OXSR1: variants seen among roughly 807,000 people sequenced by gnomAD.
The protein encoded by OXSR1 is serine/threonine-protein kinase OSR1.
OXSR1 carries 24 observed loss-of-function variants against 79.8 expected under a neutral mutation model. The observed-to-expected ratio is 0.30, with a 90% CI of 0.22 to 0.42. The LOEUF (loss-of-function observed/expected upper bound fraction) is 0.42. OXSR1 is among the 10% of genes least tolerant of loss of function. The probability of loss-of-function intolerance (pLI) is 1.00; values close to 1 mark genes in which losing one functional copy is unlikely to be tolerated. For missense variants in OXSR1, 430 were observed against 618.4 expected (o/e 0.70, Z 3.23); for synonymous variants, 226 against 209.2 (o/e 1.08, Z -0.69).
intron 4 of OXSR1, among the ~76,000 whole-genome samples, chr3:38,202,506 A>G (rs1253000557): frequency 6.6e-6 from 1 of 152,162 alleles, no homozygotes; most frequent in Non-Finnish European, 1.5e-5. Context: ...AAGCCTCTCT[A>G]GTAGCTGGAA....
Position 38,251,451 on chromosome 3 carries a change from A to G in OXSR1, c.1424A>G (p.Asp475Gly). 6.2e-7 allele frequency: 1 copy of G among 1,613,288 alleles called. No homozygotes were observed. Among genetic ancestry groups the G allele is most frequent in the Non-Finnish European group, 8.5e-7 (1 of 1,179,334 alleles). ...GAACTCATTTCTGCTGGCCTGGTCG[A>G]CGGAAGGGATTTAGTAATAGGTAAC... ...SQELISAGLV[D>G]GRDLVIVAAN... The change falls in exon 16 of 18, where the codon GAC becomes GGC. Residue 475 changes from aspartate (D) to glycine (G), a missense_variant. Coordinates refer to ENST00000311806, the MANE Select transcript of OXSR1 (RefSeq NM_005109.3).
At chr3:38,241,633 A>G (rs1703037513) in intron 11 of OXSR1, among the ~76,000 whole-genome samples, 1 of 152,034 alleles carries the variant, frequency 6.6e-6, no homozygotes, top group African/African-American at 2.4e-5. Flanking sequence ...TGAGCACCCA[A>G]ATGATAAAGC....
intron 1 of OXSR1, among the ~76,000 whole-genome samples, chr3:38,177,576 G>A (rs891095697): frequency 1.3e-4 from 19 of 151,644 alleles, no homozygotes; most frequent in East Asian, 7.7e-4. Context: ...CCTTCCTTTC[G>A]TTCTCTTTCT....
At chr3:38,221,432 T>C (rs1702588200) in intron 5 of OXSR1, 146 bp from the exon 6 acceptor site, 1 of 536,298 alleles carries the variant, frequency 1.9e-6, no homozygotes, top group Non-Finnish European at 3.4e-6. Context: ...AGCTATGTCT[T>C]AATTTAGTCA....
At chr3:38,166,594 C>T (rs142994723) in intron 1 of OXSR1, among the ~76,000 whole-genome samples, 2 of 151,952 alleles carry the variant, frequency 1.3e-5, no homozygotes, top group African/African-American at 4.8e-5. Flanking sequence ...GGTTCGAGAC[C>T]AGCCTGGCCA....
At chr3:38,241,929 A>T (rs780459889) in intron 11 of OXSR1, among the ~76,000 whole-genome samples, 1 of 151,872 alleles carries the variant, frequency 6.6e-6, no homozygotes, top group African/African-American at 2.4e-5. Context: ...AAAACCATCA[A>T]TTGATCTTTG....
At chr3:38,172,154 A>G (rs1195395648) in intron 1 of OXSR1, among the ~76,000 whole-genome samples, 1 of 152,232 alleles carries the variant, frequency 6.6e-6, no homozygotes, top group Non-Finnish European at 1.5e-5. Context: ...GCCATGAAAT[A>G]TGAAATACTA....
At chr3:38,166,814 A>AT (rs1701473060) in intron 1 of OXSR1, among the ~76,000 whole-genome samples, 2 of 149,746 alleles carry the variant, frequency 1.3e-5, no homozygotes, top group African/African-American at 4.9e-5. Context: ...AAAAAAAAAA[A>AT]TTTGAAGAGG....
chr3:38,173,509 TA>T (rs932334587), intron 1 of OXSR1, among the ~76,000 whole-genome samples: 6 of 152,224 alleles, frequency 3.9e-5, no homozygotes, highest in African/African-American at 1.4e-4. Context: ...AGACCATGAA[TA>T]CCTATCACAT....
At position 38,165,592 on chromosome 3, in the gene OXSR1, A is replaced by T; in HGVS notation, c.-285A>T. On this transcript the variant is annotated 5_prime_UTR_variant, in exon 1 of 18. The change creates a new upstream start codon in the 5' untranslated region. Coordinates refer to ENST00000311806, the MANE Select transcript of OXSR1 (RefSeq NM_005109.3). The stretch of plus-strand genomic sequence containing the variant: ...GGACAGAGGGGCTGGGCCCAGGCAA[A>T]GCTTCTGTCGCTGCTGCTGCGGAGG... 1 of 411,466 alleles carries T rather than the reference A, an allele frequency of 2.4e-6. No individual in the cohort carries two copies. The highest frequency in any genetic ancestry group is 4.4e-6 in the Non-Finnish European group (1 of 227,866). The allele number at this position is 411,466 out of a possible 1,614,324, so 25.5% of individuals were successfully genotyped here. A position where few individuals can be genotyped will look rare whatever the true frequency, so the allele number is the denominator to read the frequency against.
Position 38,229,702 on chromosome 3 carries a change from A to G in OXSR1, c.852A>G (p.Glu284=). ...CTGGTTTTAGACCAACAGCAGCAGA[A>G]CTATTAAGGCACAAATTTTTCCAGA... The part of the protein sequence containing the change: ...KDPEKRPTAA[E]LLRHKFFQKA... Residue 284 remains glutamate, a synonymous_variant, in exon 9 of 18, where the codon GAA becomes GAG. Coordinates refer to ENST00000311806, the MANE Select transcript of OXSR1 (RefSeq NM_005109.3). The G allele has an allele frequency of 6.2e-7, 1 of 1,612,304 alleles. No individual in the cohort carries two copies. Among genetic ancestry groups the G allele is most frequent in the African/African-American group, 1.3e-5 (1 of 74,996 alleles).
At position 38,254,473 on chromosome 3, in the gene OXSR1, G is replaced by C; in HGVS notation, c.*1582G>C. 1 of 382,634 alleles carries C rather than the reference G, an allele frequency of 2.6e-6. No homozygotes were observed. 23.7% of individuals were successfully genotyped at this position (382,634 alleles called of 1,614,324 possible). Reference sequence around the variant, plus strand: ...CAGTTGGGAGTTAGGAGGAGAGTAGGTGAGATGATCAGACACCGGAGTTCA... The same window carrying C: ...CAGTTGGGAGTTAGGAGGAGAGTAGCTGAGATGATCAGACACCGGAGTTCA... On this transcript the variant is annotated 3_prime_UTR_variant, in exon 18 of 18. Transcript: ENST00000311806.
At chr3:38,203,936 C>T (rs1271802298) in intron 4 of OXSR1, among the ~76,000 whole-genome samples, 1 of 152,188 alleles carries the variant, frequency 6.6e-6, no homozygotes, top group African/African-American at 2.4e-5. Flanking sequence ...TCATTTTACC[C>T]CACCCTGGGT....
intron 3 of OXSR1, chr3:38,193,175 A>T: frequency 1.3e-6 from 1 of 750,110 alleles, no homozygotes; most frequent in Admixed American, 2.4e-5. Flanking sequence ...CACTGTGCTG[A>T]CATTTAATAG....
At chr3:38,244,544 C>T (rs767563308) in intron 12 of OXSR1, among the ~76,000 whole-genome samples, 39 of 151,822 alleles carry the variant, frequency 2.6e-4, no homozygotes, top group African/African-American at 4.1e-4. Context: ...ATTTTGTGAC[C>T]GGCCTATTTC....
chr3:38,186,982 A>G (rs893323185), intron 2 of OXSR1, among the ~76,000 whole-genome samples: 2 of 152,116 alleles, frequency 1.3e-5, no homozygotes, highest in Non-Finnish European at 2.9e-5. Flanking sequence ...GTTATTGTTC[A>G]TCTTTTTTTG....
chr3:38,197,506 C>G (rs1702091024), intron 3 of OXSR1, among the ~76,000 whole-genome samples: 1 of 152,194 alleles, frequency 6.6e-6, no homozygotes, highest in African/African-American at 2.4e-5. Flanking sequence ...TGGCATAGCT[C>G]CTCTGCAAGC....
At chr3:38,198,179 T>A (rs1262381252) in intron 3 of OXSR1, among the ~76,000 whole-genome samples, 2 of 152,228 alleles carry the variant, frequency 1.3e-5, no homozygotes, top group African/African-American at 2.4e-5. Context: ...CTGTTATTTT[T>A]ATTCTTTTTG....
intron 1 of OXSR1, among the ~76,000 whole-genome samples, chr3:38,176,747 TTGAG>T (rs1158681384): frequency 6.6e-6 from 1 of 152,208 alleles, no homozygotes; most frequent in Non-Finnish European, 1.5e-5. Flanking sequence ...GAATGAATCT[TTGAG>T]TGAAAGAAAG....
Sources: gnomAD v4.1 joint callset for allele counts (sites outside exome capture counted in the v4.1 genomes callset) on GRCh38, gnomAD v4.1.1 for gene constraint, MANE v1.5 for transcripts, NCBI Gene and HGNC (gene_info 2026-07-23, HGNC 2026-07-21) for gene names.